ACOXL: variants seen among roughly 807,000 people sequenced by gnomAD.
ACOXL encodes acyl-CoA oxidase like.
In ACOXL, 70 loss-of-function variants were observed where a neutral mutation model predicts 71.9. The ratio of observed to expected loss-of-function variants is 0.97; its 90% CI spans 0.80 to 1.19. The LOEUF (loss-of-function observed/expected upper bound fraction) is 1.19, where lower values mean the gene tolerates loss of function less well. Ranked by LOEUF, ACOXL falls within the 50% of genes most tolerant of loss-of-function variation. The probability of loss-of-function intolerance (pLI) is 0.00; values close to 1 mark genes in which losing one functional copy is unlikely to be tolerated. For synonymous variants in ACOXL, 253 were observed against 281.6 expected (o/e 0.90, Z 1.02); for missense variants, 703 against 736.3 (o/e 0.95, Z 0.52).
chr2:111,117,773 A>G lies in ACOXL; in HGVS notation c.1700A>G (p.Glu567Gly), dbSNP rs778788655. The G allele has an allele frequency of 2.2e-5, 34 of 1,551,162 alleles. No individual in the cohort carries two copies. In the South Asian group the frequency reaches 4.0e-4, roughly 18 times the overall value. Residue 567 changes from glutamate (E) to glycine (G), a missense_variant, in exon 18 of 18, where the codon GAA becomes GGA. Glu to Gly is a moderately conservative substitution (Grantham distance 98, BLOSUM62 -2). Transcript: ENST00000439055. ...GCACCGCTGCAGCCGCGGCCACGGGAAGAGGCGCGCTCCCGGCGGCCCAAG... is the reference window on the plus strand; with the variant it reads ...GCACCGCTGCAGCCGCGGCCACGGGGAGAGGCGCGCTCCCGGCGGCCCAAG... ...YPAPLQPRPREEARSRRPKLG... is the reference protein window; with the variant it reads ...YPAPLQPRPRGEARSRRPKLG...
chr2:110,810,365 C>A (rs767367463), intron 9 of ACOXL, among the ~76,000 whole-genome samples: 1 of 152,062 alleles, frequency 6.6e-6, no homozygotes, highest in Non-Finnish European at 1.5e-5. Context: ...TTTATTTAGT[C>A]CCTGCAAGGC....
At chr2:110,960,175 T>C (rs929722508) in intron 12 of ACOXL, among the ~76,000 whole-genome samples, 3 of 152,100 alleles carry the variant, frequency 2.0e-5, no homozygotes, top group East Asian at 1.9e-4. Context: ...GGGAACAGGA[T>C]TGCAAAACCC....
rs575394195 is a variant in ACOXL, at chr2:110,982,417, C to T, written c.1060-4691C>T. Among the ~76,000 whole-genome samples the T allele has an allele frequency of 1.3e-3, 191 of 152,280 alleles. 1 individual carries two copies. Among genetic ancestry groups the T allele is most frequent in the African/African-American group, 4.3e-3 (178 of 41,530 alleles). ...CTCTTCCTCTCCTCTATTCCCCTCC[C>T]CTCCTCTTCCCTCCCTTCTTCTTCT... On this transcript the variant is annotated intron_variant, in intron 12 of 17. Transcript: ENST00000439055.
At chr2:110,939,070 T>G (rs2060774096) in intron 12 of ACOXL, among the ~76,000 whole-genome samples, 1 of 152,212 alleles carries the variant, frequency 6.6e-6, no homozygotes, top group East Asian at 1.9e-4. Context: ...TTGTAAAATT[T>G]ACCAAGATAT....
At chr2:110,836,161 A>G (rs1690435669) in intron 9 of ACOXL, among the ~76,000 whole-genome samples, 2 of 152,152 alleles carry the variant, frequency 1.3e-5, no homozygotes, top group Non-Finnish European at 1.5e-5. Flanking sequence ...TGGAATCAGT[A>G]AGATCTGGGG....
At chr2:111,052,857 C>A (rs559400236) in intron 16 of ACOXL, among the ~76,000 whole-genome samples, 1 of 152,130 alleles carries the variant, frequency 6.6e-6, no homozygotes, top group Admixed American at 6.5e-5. Context: ...CTCCCACCCC[C>A]CCAATCTAGG....
intron 12 of ACOXL, among the ~76,000 whole-genome samples, chr2:110,937,270 T>G (rs2060699094): frequency 6.6e-6 from 1 of 152,068 alleles, no homozygotes; most frequent in Non-Finnish European, 1.5e-5. Flanking sequence ...AGGAGTTGCC[T>G]CATTAGAACA....
chr2:110,967,619 T>C lies in ACOXL; in HGVS notation c.1060-19489T>C, dbSNP rs143123308. 6.6e-3 allele frequency among the ~76,000 whole-genome samples: 1,004 copies of C among 152,314 alleles called. 18 individuals carry two copies. The highest frequency in any genetic ancestry group is 0.022 in the African/African-American group (910 of 41,556). On this transcript the variant is annotated intron_variant, in intron 12 of 17. Coordinates refer to ENST00000439055, the MANE Select transcript of ACOXL (RefSeq NM_001142807.4). Reference sequence around the variant, plus strand: ...ACATGTAAATAATAAGACTATATAATGTGATACTGTGAGGTTCTGGGGGAA... The same window carrying C: ...ACATGTAAATAATAAGACTATATAACGTGATACTGTGAGGTTCTGGGGGAA...
chr2:110,769,991 A>G (rs1295399396), intron 2 of ACOXL, among the ~76,000 whole-genome samples: 1 of 151,426 alleles, frequency 6.6e-6, no homozygotes, highest in Non-Finnish European at 1.5e-5. Flanking sequence ...GCAGTGAGCT[A>G]TGATCGCACC....
chr2:111,064,106 A>T (rs2066939876), intron 16 of ACOXL, among the ~76,000 whole-genome samples: 1 of 152,198 alleles, frequency 6.6e-6, no homozygotes, highest in Non-Finnish European at 1.5e-5. Flanking sequence ...CAACACTCAG[A>T]TACCAAAATC....
chr2:111,049,160 C>G, intron 15 of ACOXL, 58 bp from the exon 16 acceptor site: 2 of 1,345,266 alleles, frequency 1.5e-6, no homozygotes, highest in East Asian at 2.3e-5. Flanking sequence ...TCCTTCACAT[C>G]AGAAGGGCTC....
At chr2:110,976,314 T>C (rs1400324174) in intron 12 of ACOXL, among the ~76,000 whole-genome samples, 1 of 152,232 alleles carries the variant, frequency 6.6e-6, no homozygotes, top group Non-Finnish European at 1.5e-5. Flanking sequence ...GAATTCTGTA[T>C]TTCCAGCAAT....
rs57092184 is a variant in ACOXL at position 110,963,565 on chromosome 2, ATGTGTGTGTGTGTGTG to A, written c.1060-23519_1060-23504del. 5.8e-4 allele frequency: 846 copies of A among 1,454,098 alleles called. 2 individuals carry two copies. The highest frequency in any genetic ancestry group is 3.4e-3 in the East Asian group (129 of 37,570). The allele number at this position is 1,454,098 out of a possible 1,614,324, so 90.1% of individuals were successfully genotyped here. Reference sequence around the variant, plus strand: ...GTAGTGATGGGATCGCAAATTTGAAATGTGTGTGTGTGTGTGTGTGTGTGTGTGTGTGTGTGTGTTT... The same window carrying A: ...GTAGTGATGGGATCGCAAATTTGAAATGTGTGTGTGTGTGTGTGTGTGTTT... On this transcript the variant is annotated intron_variant, in intron 12 of 17. Transcript: ENST00000439055.
At chr2:110,962,168 A>T (rs555626849) in intron 12 of ACOXL, among the ~76,000 whole-genome samples, 1 of 152,326 alleles carries the variant, frequency 6.6e-6, no homozygotes, top group East Asian at 1.9e-4. Context: ...GGATTCTGTG[A>T]GGTAAAGGAA....
intron 1 of ACOXL, among the ~76,000 whole-genome samples, chr2:110,762,464 C>G (rs1479137690): frequency 6.6e-6 from 1 of 151,136 alleles, no homozygotes; most frequent in Non-Finnish European, 1.5e-5. Context: ...TTTTAGGATA[C>G]CGTCTTGATG....
chr2:110,950,111 T>G (rs2061270683), intron 12 of ACOXL, among the ~76,000 whole-genome samples: 1 of 152,208 alleles, frequency 6.6e-6, no homozygotes, highest in African/African-American at 2.4e-5. Context: ...GCAGGTTAGT[T>G]ACATATGTAC....
intron 9 of ACOXL, among the ~76,000 whole-genome samples, chr2:110,824,863 G>A (rs778166880): frequency 6.6e-6 from 1 of 152,072 alleles, no homozygotes; most frequent in African/African-American, 2.4e-5. Context: ...ACATTTTCCC[G>A]ATTCTTTGTA....
intron 14 of ACOXL, among the ~76,000 whole-genome samples, chr2:110,998,952 T>C (rs1399301938): frequency 6.6e-6 from 1 of 152,210 alleles, no homozygotes; most frequent in African/African-American, 2.4e-5. Flanking sequence ...AAAATGATAT[T>C]TTAAAAGATT....
At chr2:110,961,667 TTCTTGC>T (rs2149448967) in intron 12 of ACOXL, among the ~76,000 whole-genome samples, 1 of 152,350 alleles carries the variant, frequency 6.6e-6, no homozygotes, top group South Asian at 2.1e-4. Context: ...TATTAGTCTG[TTCTTGC>T]ACTGCTTAAT....
Sources: allele counts gnomAD v4.1 joint callset (sites outside exome capture counted in the v4.1 genomes callset), GRCh38; gene constraint gnomAD v4.1.1; transcripts MANE v1.5; gene names NCBI Gene and HGNC (gene_info 2026-07-23, HGNC 2026-07-21).